NUAK1: variants seen among roughly 807,000 people sequenced by gnomAD.
The protein encoded by NUAK1 is NUAK family kinase 1.
NUAK1 carries 26 observed loss-of-function variants against 56.9 expected under a neutral mutation model. The ratio of observed to expected loss-of-function variants is 0.46; its 90% CI spans 0.33 to 0.63. NUAK1 has a LOEUF of 0.63. Among genes scored for constraint, NUAK1 ranks in the 30% least tolerant of loss-of-function variants. The probability of loss-of-function intolerance (pLI) is 0.02; values close to 1 mark genes in which losing one functional copy is unlikely to be tolerated. For synonymous variants in NUAK1, 337 were observed against 336.0 expected (o/e 1.00, Z -0.03); for missense variants, 727 against 876.1 (o/e 0.83, Z 2.15).
chr12:106,112,627 C>G (rs543373197), intron 1 of NUAK1, among the ~76,000 whole-genome samples: 1 of 152,204 alleles, frequency 6.6e-6, no homozygotes, highest in Admixed American at 6.5e-5. Flanking sequence ...TGTGATGCAA[C>G]GGGCCCCATG....
At chr12:106,075,473 G>A (rs934588692) in intron 4 of NUAK1, among the ~76,000 whole-genome samples, 2 of 152,168 alleles carry the variant, frequency 1.3e-5, no homozygotes, top group East Asian at 1.9e-4. Flanking sequence ...TTTCTCGTCT[G>A]TAAAATAGCG....
In NUAK1 at chr12:106,086,374, T is replaced by G. The variant is rs377306416; in HGVS notation, c.513+360A>C. Among the ~76,000 whole-genome samples, 16 of 152,264 alleles carry G rather than the reference T, an allele frequency of 1.1e-4. No individual in the cohort carries two copies. The South Asian group carries it at 1.4e-3, about 14-fold the overall frequency. ...TCATTGGTGTCTCCATTTTGACAAA[T>G]GTACCACAGAAATGTAAGATGTTAA... On this transcript the variant is annotated intron_variant, in intron 3 of 6. Coordinates refer to ENST00000261402, the MANE Select transcript of NUAK1 (RefSeq NM_014840.3).
At chr12:106,116,234 C>G (rs1443579448) in intron 1 of NUAK1, among the ~76,000 whole-genome samples, 1 of 152,194 alleles carries the variant, frequency 6.6e-6, no homozygotes, top group East Asian at 1.9e-4. Flanking sequence ...AGTGGGACAT[C>G]TGATCATTCC....
chr12:106,100,096 T>C (rs2032732877), intron 2 of NUAK1, among the ~76,000 whole-genome samples: 1 of 147,596 alleles, frequency 6.8e-6, no homozygotes, highest in Non-Finnish European at 1.5e-5. Context: ...CTGGGCAACA[T>C]GATGAAACCC....
chr12:106,113,363 A>C (rs978283544), intron 1 of NUAK1, among the ~76,000 whole-genome samples: 41 of 152,198 alleles, frequency 2.7e-4, no homozygotes, highest in African/African-American at 8.4e-4. Context: ...AACCCGCCTG[A>C]AAAGGACAGT....
At chr12:106,134,201 T>C (rs1163695535) in intron 1 of NUAK1, among the ~76,000 whole-genome samples, 1 of 152,216 alleles carries the variant, frequency 6.6e-6, no homozygotes, top group African/African-American at 2.4e-5. Flanking sequence ...AACCACATGT[T>C]TGCCATGGTC....
intron 4 of NUAK1, among the ~76,000 whole-genome samples, chr12:106,073,846 T>A (rs1215263128): frequency 6.6e-6 from 1 of 151,912 alleles, no homozygotes; most frequent in African/African-American, 2.4e-5. Flanking sequence ...ACACCGTGAG[T>A]GTAACAGTGG....
In NUAK1 at chr12:106,128,332, T is replaced by C. The variant is rs548619033; in HGVS notation, c.240+10082A>G. Among the ~76,000 whole-genome samples, 15 of 152,236 alleles carry C rather than the reference T, an allele frequency of 9.9e-5. No individual in the cohort carries two copies. In the East Asian group the frequency reaches 2.7e-3, roughly 27 times the overall value. ...TTTTAGTAGAGACAGGGTTTTGCCA[T>C]GTTGTTCAGGCTGGTCTTGAACTCC... On this transcript the variant is annotated intron_variant, in intron 1 of 6. Coordinates refer to ENST00000261402, the MANE Select transcript of NUAK1 (RefSeq NM_014840.3).
At chr12:106,111,282 C>T (rs1026377328) in intron 1 of NUAK1, among the ~76,000 whole-genome samples, 3 of 152,144 alleles carry the variant, frequency 2.0e-5, no homozygotes, top group Admixed American at 2.0e-4. Flanking sequence ...GGTCTCTTGG[C>T]TCCTCTCCAC....
At chr12:106,124,126 TTTTG>T (rs1176659875) in intron 1 of NUAK1, among the ~76,000 whole-genome samples, 2 of 152,086 alleles carry the variant, frequency 1.3e-5, no homozygotes, top group Non-Finnish European at 2.9e-5. Context: ...AAGGAAGAGT[TTTTG>T]TTTTTGTTTT....
At chr12:106,116,470 A>C (rs1264053627) in intron 1 of NUAK1, among the ~76,000 whole-genome samples, 1 of 152,230 alleles carries the variant, frequency 6.6e-6, no homozygotes, top group Non-Finnish European at 1.5e-5. Context: ...CCAGGCCCTC[A>C]GTACCTTTCT....
chr12:106,084,139 C>T, intron 3 of NUAK1: 2 of 576,116 alleles, frequency 3.5e-6, no homozygotes, highest in Non-Finnish European at 6.2e-6. Context: ...GAGCATTAGT[C>T]ACTTGCTGTG....
chr12:106,103,791 TAGTG>T (rs1327915851), intron 2 of NUAK1, among the ~76,000 whole-genome samples: 2 of 152,194 alleles, frequency 1.3e-5, no homozygotes, highest in Non-Finnish European at 2.9e-5. Context: ...GTTCTCGTGA[TAGTG>T]AGTGAGTTCT....
At chr12:106,127,207 C>T (rs1322008977) in intron 1 of NUAK1, among the ~76,000 whole-genome samples, 1 of 152,130 alleles carries the variant, frequency 6.6e-6, no homozygotes, top group Non-Finnish European at 1.5e-5. Flanking sequence ...CTCTGTTGCC[C>T]AGGCTGGAGT....
At chr12:106,130,674 G>A (rs535665270) in intron 1 of NUAK1, among the ~76,000 whole-genome samples, 20 of 152,356 alleles carry the variant, frequency 1.3e-4, no homozygotes, top group African/African-American at 4.1e-4. Flanking sequence ...GCCCCAGCCC[G>A]CGTCGTTCTC....
At chr12:106,121,424 C>T (rs902299243) in intron 1 of NUAK1, among the ~76,000 whole-genome samples, 1 of 152,146 alleles carries the variant, frequency 6.6e-6, no homozygotes, top group African/African-American at 2.4e-5. Context: ...GCTCTCAGTT[C>T]TAAGGGGTCT....
intron 1 of NUAK1, among the ~76,000 whole-genome samples, chr12:106,111,444 C>A (rs2032858662): frequency 4.0e-5 from 6 of 151,874 alleles, no homozygotes; most frequent in Admixed American, 3.3e-4. Flanking sequence ...AGAGTCTGGG[C>A]AGGTTGTATG....
intron 1 of NUAK1, among the ~76,000 whole-genome samples, chr12:106,126,291 G>A (rs1006022078): frequency 6.6e-6 from 1 of 152,212 alleles, no homozygotes; most frequent in Admixed American, 6.5e-5. Context: ...CCAGTGCCTA[G>A]CACAGTGCTA....
chr12:106,099,273 T>C (rs1215049234), intron 2 of NUAK1, among the ~76,000 whole-genome samples: 1 of 152,218 alleles, frequency 6.6e-6, no homozygotes, highest in Non-Finnish European at 1.5e-5. Flanking sequence ...ACAGATTTTA[T>C]GGGCCTGGGG....
Sources: gnomAD v4.1 joint callset for allele counts (sites outside exome capture counted in the v4.1 genomes callset) on GRCh38, gnomAD v4.1.1 for gene constraint, MANE v1.5 for transcripts, NCBI Gene and HGNC (gene_info 2026-07-23, HGNC 2026-07-21) for gene names.